Variants in DCDC1 observed in about 807,000 individuals in gnomAD.
DCDC1 encodes the protein doublecortin domain-containing protein 1.
A neutral mutation model predicts 178.3 loss-of-function variants in DCDC1; 200 were observed. That is an observed-to-expected ratio of 1.12 (90% CI 1.00 to 1.26). The LOEUF (loss-of-function observed/expected upper bound fraction) is 1.26. Ranked by LOEUF, DCDC1 falls within the 50% of genes most tolerant of loss-of-function variation. The pLI, the probability that DCDC1 is intolerant of heterozygous loss-of-function variation, is 0.00. For synonymous variants in DCDC1, 690 were observed against 604.8 expected (o/e 1.14, Z -2.07); for missense variants, 1,983 against 1,749.2 (o/e 1.13, Z -2.38).
chr11:31,105,119 C>A (rs1274072701), intron 13 of DCDC1, among the ~76,000 whole-genome samples: 1 of 151,976 alleles, frequency 6.6e-6, no homozygotes, highest in African/African-American at 2.4e-5. Context: ...ACTTTTTAGA[C>A]ATATACATTT....
At chr11:31,208,275 G>C (rs2099621261) in intron 9 of DCDC1, among the ~76,000 whole-genome samples, 1 of 152,070 alleles carries the variant, frequency 6.6e-6, no homozygotes, top group Non-Finnish European at 1.5e-5. Context: ...TTCAGTAAAT[G>C]GAGCCAATGT....
chr11:31,346,008 A>G (rs769733559), intron 1 of DCDC1, among the ~76,000 whole-genome samples: 16 of 152,220 alleles, frequency 1.1e-4, no homozygotes, highest in Non-Finnish European at 2.2e-4. Context: ...CTAAAATAGG[A>G]CAACTAGAAA....
chr11:31,147,326 C>T (rs1472480465), intron 9 of DCDC1, among the ~76,000 whole-genome samples: 1 of 152,098 alleles, frequency 6.6e-6, no homozygotes, highest in Non-Finnish European at 1.5e-5. Flanking sequence ...TGTGTATATG[C>T]TAATTGGGAG....
intron 3 of DCDC1, among the ~76,000 whole-genome samples, chr11:31,316,060 G>A (rs1024294520): frequency 2.1e-5 from 2 of 96,204 alleles, no homozygotes; most frequent in African/African-American, 5.9e-5. Flanking sequence ...ATCATTGTTG[G>A]ACATTTCGGT....
chr11:31,100,675 T>C (rs920836943), intron 15 of DCDC1, among the ~76,000 whole-genome samples: 2 of 152,102 alleles, frequency 1.3e-5, no homozygotes, highest in African/African-American at 4.8e-5. Context: ...GACTGTAATG[T>C]ACAGTATACA....
chr11:30,961,749 A>C (rs1334025212), intron 20 of DCDC1, among the ~76,000 whole-genome samples: 1 of 152,088 alleles, frequency 6.6e-6, no homozygotes, highest in Non-Finnish European at 1.5e-5. Flanking sequence ...ATCTCTGAAA[A>C]AAAGGAAAGG....
chr11:31,031,442 C>CT (rs894322639), intron 20 of DCDC1, among the ~76,000 whole-genome samples: 2 of 151,958 alleles, frequency 1.3e-5, no homozygotes, highest in Non-Finnish European at 2.9e-5. Flanking sequence ...TATTATTATA[C>CT]TTTTTTGGAG....
chr11:31,011,307 T>G (rs1474582909), intron 20 of DCDC1, among the ~76,000 whole-genome samples: 5 of 152,184 alleles, frequency 3.3e-5, no homozygotes, highest in Admixed American at 2.0e-4. Context: ...TATTCATAAA[T>G]CTTACTAAAT....
At position 31,127,587 on chromosome 11, in the gene DCDC1, T is replaced by G. The variant is rs530946371; in HGVS notation, c.1367A>C (p.His456Pro). The G allele has an allele frequency of 2.8e-6, 2 of 702,710 alleles. No individual in the cohort carries two copies. The highest frequency in any genetic ancestry group is 4.0e-5 in the Admixed American group (2 of 50,004). The allele number at this position is 702,710 out of a possible 1,614,324, so 43.5% of individuals were successfully genotyped here. A position where few individuals can be genotyped will look rare whatever the true frequency, so the allele number is the denominator to read the frequency against. The change falls in exon 11 of 39, where the codon CAT becomes CCT. Residue 456 changes from histidine to proline, a missense_variant. By Grantham distance (77) the His-to-Pro change is moderately conservative (BLOSUM62 -2). Coordinates refer to ENST00000684477, the MANE Select transcript of DCDC1 (RefSeq NM_001387274.1). ...TAATTGGGGGCCAAGTTTACAGAGA[T>G]GACCTATGTTACTTTTGATAGCTGT... ...LQTAIKSNIG[H>P]LCKLGPQLQA...
At chr11:31,362,742 A>C (rs547143616) in intron 1 of DCDC1, among the ~76,000 whole-genome samples, 54 of 152,208 alleles carry the variant, frequency 3.5e-4, no homozygotes, top group Non-Finnish European at 6.6e-4. Context: ...TATTTTAAAA[A>C]TATGATATTT....
chr11:31,020,782 A>G lies in DCDC1; in HGVS notation c.2591+43687T>C, dbSNP rs1291355736. Among the ~76,000 whole-genome samples, 3 of 152,172 alleles carry G rather than the reference A, an allele frequency of 2.0e-5. No homozygotes were observed. In the East Asian group the frequency reaches 5.8e-4, roughly 29 times the overall value. On this transcript the variant is annotated intron_variant, in intron 20 of 38. Transcript: ENST00000684477. The stretch of plus-strand genomic sequence containing the variant: ...GGGAAAGCCTTCCTAACTCTCACAT[A>G]AAATCCAAGTAAACTTTTGCATGAA...
intron 7 of DCDC1, among the ~76,000 whole-genome samples, chr11:31,285,859 T>C (rs1946781865): frequency 6.6e-6 from 1 of 152,094 alleles, no homozygotes; most frequent in South Asian, 2.1e-4. Context: ...TTGCTACACA[T>C]AACCACTCTT....
chr11:31,155,535 A>T (rs1005864506), intron 9 of DCDC1, among the ~76,000 whole-genome samples: 1 of 152,258 alleles, frequency 6.6e-6, no homozygotes, highest in Non-Finnish European at 1.5e-5. Context: ...CATCATCAAC[A>T]TCATTCAAAA....
chr11:30,915,841 G>T, intron 26 of DCDC1, 130 bp from the exon 27 acceptor site: 2 of 838,794 alleles, frequency 2.4e-6, no homozygotes, highest in Non-Finnish European at 3.8e-6. Context: ...TGAAATGATA[G>T]ACCATATCAT....
chr11:31,254,145 T>C (rs561701240), intron 8 of DCDC1, among the ~76,000 whole-genome samples: 2 of 152,186 alleles, frequency 1.3e-5, no homozygotes, highest in African/African-American at 2.4e-5. Context: ...CACAACTCAC[T>C]GAACTTTGAA....
chr11:30,999,175 G>T (rs536591526), intron 20 of DCDC1, among the ~76,000 whole-genome samples: 3 of 152,180 alleles, frequency 2.0e-5, no homozygotes, highest in African/African-American at 7.2e-5. Flanking sequence ...TGAAGGCAGT[G>T]TGGTATCCTG....
At chr11:31,000,646 G>T (rs1951518573) in intron 20 of DCDC1, among the ~76,000 whole-genome samples, 1 of 151,936 alleles carries the variant, frequency 6.6e-6, no homozygotes, top group Admixed American at 6.6e-5. Context: ...TGCAGAACAT[G>T]CTACATTAAT....
At chr11:30,956,833 A>G (rs1203003254) in intron 20 of DCDC1, among the ~76,000 whole-genome samples, 1 of 152,102 alleles carries the variant, frequency 6.6e-6, no homozygotes, top group South Asian at 2.1e-4. Context: ...CCTCAAGTGG[A>G]CCCTTAGCAC....
intron 20 of DCDC1, among the ~76,000 whole-genome samples, chr11:31,017,294 C>T (rs1952541429): frequency 6.6e-6 from 1 of 152,182 alleles, no homozygotes; most frequent in South Asian, 2.1e-4. Context: ...TCTTCCTCCT[C>T]AGCCCACTCA....
Sources: gnomAD v4.1 joint callset for allele counts (sites outside exome capture counted in the v4.1 genomes callset) on GRCh38, gnomAD v4.1.1 for gene constraint, MANE v1.5 for transcripts, NCBI Gene and HGNC (gene_info 2026-07-23, HGNC 2026-07-21) for gene names.